The following TTF1 variants were observed in gnomAD, a reference collection of about 807,000 sequenced individuals.
TTF1 encodes transcription termination factor, RNA polymerase I.
In TTF1, 64 loss-of-function variants were observed where a neutral mutation model predicts 80.2. That is an observed-to-expected ratio of 0.80 (90% CI 0.65 to 0.98). The LOEUF (loss-of-function observed/expected upper bound fraction) is 0.98. Ranked by LOEUF, TTF1 falls within the 50% of genes least tolerant of loss-of-function variation. The probability of loss-of-function intolerance (pLI) is 0.00; values close to 1 mark genes in which losing one functional copy is unlikely to be tolerated. For synonymous variants in TTF1, 372 were observed against 382.7 expected (o/e 0.97, Z 0.33); for missense variants, 1,023 against 1,086.2 (o/e 0.94, Z 0.82).
chr9:132,385,003 A>C (rs1715036404), intron 9 of TTF1, among the ~76,000 whole-genome samples: 1 of 152,244 alleles, frequency 6.6e-6, no homozygotes, highest in Non-Finnish European at 1.5e-5. Flanking sequence ...TATTCCAGAA[A>C]AACAGCAAAA....
At chr9:132,377,039 T>A (rs1272443332) in intron 10 of TTF1, among the ~76,000 whole-genome samples, 1 of 152,168 alleles carries the variant, frequency 6.6e-6, no homozygotes, top group Non-Finnish European at 1.5e-5. Flanking sequence ...GACTTACATA[T>A]CTAAACCACC....
intron 10 of TTF1, among the ~76,000 whole-genome samples, chr9:132,377,417 AGTGC>A (rs1474447717): frequency 7.8e-5 from 4 of 51,098 alleles, no homozygotes; most frequent in Admixed American, 2.4e-4. Flanking sequence ...GGTGTGTGTG[AGTGC>A]ATGCATGTGG....
At position 132,378,302 on chromosome 9, in the gene TTF1, GGT is replaced by G. The variant is rs372481780; in HGVS notation, c.2464+755_2464+756del. Among the ~76,000 whole-genome samples, 29 of 135,920 alleles carry G rather than the reference GGT, an allele frequency of 2.1e-4. No homozygotes were observed. The East Asian group carries it at 5.5e-3, about 26-fold the overall frequency. 89.2% of individuals were successfully genotyped at this position (135,920 alleles called of 152,430 possible). On this transcript the variant is annotated intron_variant, in intron 10 of 10. Transcript: ENST00000334270. ...GTGAATGCATGTGGTGAGTGCATGTGGTGTGTGTGAGTGCATGTGGTGTGTGT... is the reference window on the plus strand; with the variant it reads ...GTGAATGCATGTGGTGAGTGCATGTGGTGTGTGAGTGCATGTGGTGTGTGT...
intron 10 of TTF1, among the ~76,000 whole-genome samples, chr9:132,378,033 T>G (rs1849263818): frequency 7.9e-6 from 1 of 126,430 alleles, no homozygotes; most frequent in Non-Finnish European, 1.6e-5. Flanking sequence ...TGAGTGCATG[T>G]GGTGTGTGTG....
At chr9:132,382,142 A>G (rs1849381244) in intron 9 of TTF1, among the ~76,000 whole-genome samples, 1 of 152,194 alleles carries the variant, frequency 6.6e-6, no homozygotes, top group Non-Finnish European at 1.5e-5. Context: ...CTCCAATCGC[A>G]GGAACTGATT....
chr9:132,392,502 C>T (rs1389275700), intron 5 of TTF1, among the ~76,000 whole-genome samples: 5 of 152,176 alleles, frequency 3.3e-5, no homozygotes, highest in Non-Finnish European at 7.3e-5. Context: ...CTCCACCCGA[C>T]CTGGACAGTG....
intron 5 of TTF1, 109 bp downstream of exon 5, chr9:132,396,324 C>G: frequency 8.7e-7 from 1 of 1,149,970 alleles, no homozygotes; most frequent in Non-Finnish European, 1.3e-6. Context: ...TTCACACACA[C>G]AAATCTGCGT....
chr9:132,400,593 G>C (rs1849742638), intron 2 of TTF1, among the ~76,000 whole-genome samples: 1 of 152,158 alleles, frequency 6.6e-6, no homozygotes, highest in Non-Finnish European at 1.5e-5. Flanking sequence ...AAAGTGCTGG[G>C]ATTACAGGCA....
At chr9:132,377,859 GGT>G (rs1849252510) in intron 10 of TTF1, among the ~76,000 whole-genome samples, 1 of 139,258 alleles carries the variant, frequency 7.2e-6, no homozygotes, top group Non-Finnish European at 1.5e-5. Context: ...GAATGCATGT[GGT>G]GTGAGTGCAT....
chr9:132,402,903 T>C, intron 1 of TTF1, 75 bp from the exon 2 acceptor site: 1 of 1,395,436 alleles, frequency 7.2e-7, no homozygotes. Flanking sequence ...TCGCCCAGGC[T>C]GGAGTGCAGT....
At chr9:132,385,015 C>A (rs1421315868) in intron 9 of TTF1, among the ~76,000 whole-genome samples, 1 of 152,184 alleles carries the variant, frequency 6.6e-6, no homozygotes, top group East Asian at 1.9e-4. Context: ...ACAGCAAAAT[C>A]AAACTGAACA....
At position 132,384,235 on chromosome 9, in the gene TTF1, C is replaced by G. The variant is rs1330754777; in HGVS notation, c.2378+2321G>C. On this transcript the variant is annotated intron_variant, in intron 9 of 10. Coordinates refer to ENST00000334270, the MANE Select transcript of TTF1 (RefSeq NM_007344.4). This position sits in a 1 kb window ranked among gnomAD's most constrained non-coding sequence, Gnocchi z 4.1. ...AAAGTTTCTGAAAAAAATAATTGGG[C>G]ATTGCTAATAAAGCAGTACTTAGAA... Among the ~76,000 whole-genome samples, 1 of 152,028 alleles carries G rather than the reference C, an allele frequency of 6.6e-6. No homozygotes were observed. Among genetic ancestry groups the G allele is most frequent in the African/African-American group, 2.4e-5 (1 of 41,372 alleles).
At chr9:132,377,930 T>C (rs1849258274) in intron 10 of TTF1, among the ~76,000 whole-genome samples, 1 of 127,488 alleles carries the variant, frequency 7.8e-6, no homozygotes, top group Non-Finnish European at 1.6e-5. Flanking sequence ...GTGCATGTGG[T>C]GCGTGTGAAT....
intron 7 of TTF1, among the ~76,000 whole-genome samples, chr9:132,389,537 A>G (rs565991977): frequency 2.0e-5 from 3 of 152,142 alleles, no homozygotes; most frequent in Non-Finnish European, 4.4e-5. Flanking sequence ...GGTTCCTCCA[A>G]CATTCCCTGT....
rs1849157023 is a variant in TTF1 at position 132,375,580 on chromosome 9, G to A, written c.*335C>T. On this transcript the variant is annotated 3_prime_UTR_variant, in exon 11 of 11. Coordinates refer to ENST00000334270, the MANE Select transcript of TTF1 (RefSeq NM_007344.4). Reference sequence around the variant, plus strand: ...ATTCAAATACGTTTTAATAGGAATGGCAATATATTTTAATGCTCCAGAGGA... The same window carrying A: ...ATTCAAATACGTTTTAATAGGAATGACAATATATTTTAATGCTCCAGAGGA... The A allele has an allele frequency of 1.1e-5, 2 of 177,604 alleles. No individual in the cohort carries two copies. The highest frequency in any genetic ancestry group is 4.7e-5 in the African/African-American group (2 of 42,194). The allele number at this position is 177,604 out of a possible 1,614,324, so 11.0% of individuals were successfully genotyped here. A position where few individuals can be genotyped will look rare whatever the true frequency, so the allele number is the denominator to read the frequency against.
In TTF1 at chr9:132,385,678, G is replaced by A. The variant is rs149243762; in HGVS notation, c.2378+878C>T. Among the ~76,000 whole-genome samples the A allele has an allele frequency of 5.3e-5, 8 of 152,204 alleles. No individual in the cohort carries two copies. In the East Asian group the frequency reaches 7.7e-4, roughly 15 times the overall value. On this transcript the variant is annotated intron_variant, in intron 9 of 10. Coordinates refer to ENST00000334270, the MANE Select transcript of TTF1 (RefSeq NM_007344.4). ...ACCACTCTATCTGATTGCCCCCGACGTCCCTTCTACTCTATTTTTGTTTTC... is the reference window on the plus strand; with the variant it reads ...ACCACTCTATCTGATTGCCCCCGACATCCCTTCTACTCTATTTTTGTTTTC...
intron 7 of TTF1, among the ~76,000 whole-genome samples, chr9:132,390,281 CT>C (rs906294195): frequency 1.7e-4 from 26 of 152,176 alleles, no homozygotes; most frequent in African/African-American, 5.8e-4. Flanking sequence ...CGCGTGGCCC[CT>C]TTTTTTCTAA....
chr9:132,398,291 C>A lies in TTF1; in HGVS notation c.1627G>T (p.Glu543Ter). 6.2e-7 allele frequency: 1 copy of A among 1,608,854 alleles called. No homozygotes were observed. The highest frequency in any genetic ancestry group is 8.5e-7 in the Non-Finnish European group (1 of 1,178,352). ...AIKFGKFSVKENKQLEKNVED... is the reference protein window; with the variant it reads ...AIKFGKFSVK ...ACATTTTTCTCTAACTGCTTATTTT[C>A]CTTTACAGAAAACTTGCCAAATTTA... Residue 543 changes from glutamate (E) to a stop codon, truncating the protein, a stop_gained, in exon 4 of 11, where the codon GAA becomes TAA. Transcript: ENST00000334270. LOFTEE classifies it high-confidence loss of function.
intron 1 of TTF1, among the ~76,000 whole-genome samples, chr9:132,404,601 T>TAA (rs544705979): frequency 6.9e-4 from 103 of 149,456 alleles, no homozygotes; most frequent in African/African-American, 2.3e-3. Flanking sequence ...TCCTCTAACT[T>TAA]AAAAAAAAAA....
Sources: allele counts gnomAD v4.1 joint callset (sites outside exome capture counted in the v4.1 genomes callset), GRCh38; gene constraint gnomAD v4.1.1; non-coding constraint Gnocchi (gnomAD v3.1); transcripts MANE v1.5; gene names NCBI Gene and HGNC (gene_info 2026-07-23, HGNC 2026-07-21).